The following AIG1 variants were observed in gnomAD, a reference collection of about 807,000 sequenced individuals.
AIG1 encodes the protein androgen induced 1.
AIG1 carries 23 observed loss-of-function variants against 31.4 expected under a neutral mutation model. The ratio of observed to expected loss-of-function variants is 0.73; its 90% confidence interval spans 0.53 to 1.04. AIG1 has a LOEUF of 1.04. Among genes scored for constraint, AIG1 ranks in the 50% least tolerant of loss-of-function variants. The pLI is 0.00. For missense variants in AIG1, 274 were observed against 295.0 expected (o/e 0.93, Z 0.52); for synonymous variants, 100 against 110.5 (o/e 0.90, Z 0.60).
chr6:143,190,603 T>C, intron 3 of AIG1: 1 of 985,446 alleles, frequency 1.0e-6, no homozygotes, highest in Non-Finnish European at 1.2e-6. Context: ...AAAAACTTCA[T>C]TCAGTGTCCT....
In AIG1 at chr6:143,333,572, T is replaced by C. The variant is rs1777255766; in HGVS notation, c.679+127T>C. 2.2e-6 allele frequency: 2 copies of C among 913,616 alleles called. No individual in the cohort carries two copies. Among genetic ancestry groups the C allele is most frequent in the Non-Finnish European group, 3.1e-6 (2 of 652,798 alleles). 56.6% of individuals were successfully genotyped at this position (913,616 alleles called of 1,614,324 possible). Reference sequence around the variant, plus strand: ...TCACACAGGATCTCCTATAAAGAGCTCCATTTTTAAAACTACAATATGAAT... The same window carrying C: ...TCACACAGGATCTCCTATAAAGAGCCCCATTTTTAAAACTACAATATGAAT... On this transcript the variant is annotated intron_variant, in intron 5 of 5. Transcript: ENST00000357847. This position sits in a 1 kb window ranked among gnomAD's most constrained non-coding sequence, Gnocchi z 4.6.
intron 1 of AIG1, among the ~76,000 whole-genome samples, chr6:143,079,536 A>T (rs1778022234): frequency 6.6e-6 from 1 of 152,176 alleles, no homozygotes; most frequent in African/African-American, 2.4e-5. Context: ...AATCAATGGG[A>T]TTGATAGGCT....
At chr6:143,072,938 A>G (rs1777425156) in intron 1 of AIG1, among the ~76,000 whole-genome samples, 1 of 152,232 alleles carries the variant, frequency 6.6e-6, no homozygotes. Flanking sequence ...ATTTTATTAC[A>G]TAGAGTCCTC....
At chr6:143,237,492 A>G (rs1793895615) in intron 3 of AIG1, among the ~76,000 whole-genome samples, 2 of 152,224 alleles carry the variant, frequency 1.3e-5, no homozygotes, top group Non-Finnish European at 1.5e-5. Flanking sequence ...CTCTCAACTA[A>G]TATATGATAA....
chr6:143,135,542 C>G (rs967924683), intron 1 of AIG1, among the ~76,000 whole-genome samples: 1 of 152,010 alleles, frequency 6.6e-6, no homozygotes, highest in Non-Finnish European at 1.5e-5. Flanking sequence ...GAAAGAATGA[C>G]AGTAAACCTT....
chr6:143,272,840 G>C (rs1459419674), intron 3 of AIG1, among the ~76,000 whole-genome samples: 1 of 152,170 alleles, frequency 6.6e-6, no homozygotes, highest in Non-Finnish European at 1.5e-5. Flanking sequence ...AAAATAGTGG[G>C]AAGATTTTGG....
chr6:143,157,190 G>T (rs967581366), intron 2 of AIG1, among the ~76,000 whole-genome samples: 6 of 152,190 alleles, frequency 3.9e-5, no homozygotes, highest in Admixed American at 2.6e-4. Context: ...TTGGCAATTA[G>T]GAGTAAAAAG....
At chr6:143,086,846 A>G (rs909136307) in intron 1 of AIG1, among the ~76,000 whole-genome samples, 1 of 152,220 alleles carries the variant, frequency 6.6e-6, no homozygotes, top group African/African-American at 2.4e-5. Context: ...ACGCATGGGC[A>G]ACTGTTGAAG....
chr6:143,317,689 A>G (rs142736653), intron 4 of AIG1, among the ~76,000 whole-genome samples: 2,121 of 151,596 alleles, frequency 0.014, 47 homozygotes, highest in African/African-American at 0.046. Context: ...AAATTGGTAT[A>G]GAGGAAGTCA....
Position 143,292,957 on chromosome 6 carries a change from T to C in AIG1, c.515+8732T>C, listed in dbSNP as rs1222518683. Among the ~76,000 whole-genome samples, 1 of 152,214 alleles carries C rather than the reference T, an allele frequency of 6.6e-6. No homozygotes were observed. Among genetic ancestry groups the C allele is most frequent in the Non-Finnish European group, 1.5e-5 (1 of 68,030 alleles). On this transcript the variant is annotated intron_variant, in intron 4 of 5. Coordinates refer to ENST00000357847, the MANE Select transcript of AIG1 (RefSeq NM_016108.4). This position sits in a 1 kb window ranked among gnomAD's most constrained non-coding sequence, Gnocchi z 4.9. ...CCCTGGAAGGCAGAAGTCTAGATCT[T>C]TGAAGTTAGATGCTCCTTGTTTAGT...
At chr6:143,287,057 C>A (rs775888976) in intron 4 of AIG1, among the ~76,000 whole-genome samples, 8 of 151,936 alleles carry the variant, frequency 5.3e-5, no homozygotes. Flanking sequence ...CTCTTTCCCC[C>A]AGCCCAAACA....
At chr6:143,200,415 A>T (rs1485877887) in intron 3 of AIG1, among the ~76,000 whole-genome samples, 2 of 152,000 alleles carry the variant, frequency 1.3e-5, no homozygotes, top group Non-Finnish European at 2.9e-5. Context: ...GCCCACCCCC[A>T]CTACTGAATT....
intron 5 of AIG1, chr6:143,335,389 A>G (rs1777398991): frequency 1.0e-5 from 2 of 197,478 alleles, no homozygotes; most frequent in South Asian, 1.7e-4. Flanking sequence ...AAAATTAGCC[A>G]GGCATGGTGG....
chr6:143,327,413 C>A lies in AIG1; in HGVS notation c.516-5869C>A. The A allele has an allele frequency of 2.9e-6, 1 of 348,542 alleles. No individual in the cohort carries two copies. The highest frequency in any genetic ancestry group is 3.6e-5 in the Admixed American group (1 of 27,630). The allele number at this position is 348,542 out of a possible 1,614,324, so 21.6% of individuals were successfully genotyped here. On this transcript the variant is annotated intron_variant, in intron 4 of 5. Coordinates refer to ENST00000357847, the MANE Select transcript of AIG1 (RefSeq NM_016108.4). This position sits in a 1 kb window ranked among gnomAD's most constrained non-coding sequence, Gnocchi z 5.3. ...CTTCAAGAAGTCTGCCCCTTGGGCA[C>A]TCAAAGAGATCTGGAAATTTGCCAC...
At chr6:143,139,472 G>A (rs1460521009) in intron 2 of AIG1, among the ~76,000 whole-genome samples, 1 of 152,006 alleles carries the variant, frequency 6.6e-6, no homozygotes, top group Admixed American at 6.6e-5. Context: ...AGAAATCAAA[G>A]AATAGATAAG....
Position 143,063,513 on chromosome 6 carries a change from A to G in AIG1, c.141+2447A>G, listed in dbSNP as rs536519815. Among the ~76,000 whole-genome samples the G allele has an allele frequency of 3.3e-5, 5 of 152,344 alleles. No homozygotes were observed. The South Asian group carries it at 1.0e-3, about 32-fold the overall frequency. On this transcript the variant is annotated intron_variant, in intron 1 of 5. Transcript: ENST00000357847. ...AATCCTTAGAGCTTAAGCATTGTAC[A>G]GCTGTTAAAACAACCAACCTGTCAA... is the stretch of plus-strand genomic sequence containing the variant.
intron 2 of AIG1, among the ~76,000 whole-genome samples, chr6:143,140,442 C>T (rs985056679): frequency 1.1e-4 from 16 of 152,156 alleles, no homozygotes; most frequent in African/African-American, 3.9e-4. Flanking sequence ...GGCTTCAGAG[C>T]TTCCCCTGTC....
chr6:143,239,978 A>T (rs1794120900), intron 3 of AIG1, among the ~76,000 whole-genome samples: 1 of 152,258 alleles, frequency 6.6e-6, no homozygotes. Context: ...TCCAGGTAGA[A>T]TTTCACTATT....
intron 1 of AIG1, among the ~76,000 whole-genome samples, chr6:143,117,570 A>G (rs1313678140): frequency 1.3e-5 from 2 of 152,166 alleles, no homozygotes; most frequent in East Asian, 1.9e-4. Flanking sequence ...AGGAGTTCAG[A>G]TTTGCACCAG....
Sources: allele counts gnomAD v4.1 joint callset (sites outside exome capture counted in the v4.1 genomes callset), GRCh38; gene constraint gnomAD v4.1.1; non-coding constraint Gnocchi (gnomAD v3.1); transcripts MANE v1.5; gene names NCBI Gene and HGNC (gene_info 2026-07-23, HGNC 2026-07-21).